The following SLC35F1 variants were observed in gnomAD, a reference collection of about 807,000 sequenced individuals.
The protein encoded by SLC35F1 is chromosome 6 open reading frame 169.
SLC35F1 carries 14 observed loss-of-function variants against 48.7 expected under a neutral mutation model. That is an observed-to-expected ratio of 0.29 (90% confidence interval 0.19 to 0.45). SLC35F1 has a LOEUF of 0.45. Ranked by LOEUF, SLC35F1 falls within the 20% of genes least tolerant of loss-of-function variation. The pLI, the probability that SLC35F1 is intolerant of heterozygous loss-of-function variation, is 1.00. For missense variants in SLC35F1, 404 were observed against 500.0 expected, an observed-to-expected ratio of 0.81 and a Z score of 1.83; for synonymous variants, 190 against 202.2, an observed-to-expected ratio of 0.94 and a Z score of 0.51.
At chr6:117,964,702 G>A (rs1327595718) in intron 1 of SLC35F1, among the ~76,000 whole-genome samples, 1 of 152,170 alleles carries the variant, frequency 6.6e-6, no homozygotes, top group African/African-American at 2.4e-5. Context: ...TTTAGGCTCT[G>A]GCTTGATCAG....
chr6:118,263,120 A>C (rs1775732836), intron 3 of SLC35F1, among the ~76,000 whole-genome samples: 1 of 152,146 alleles, frequency 6.6e-6, no homozygotes. Flanking sequence ...GCAGTGGTAC[A>C]ATCTCAGCTT....
At chr6:117,920,351 G>A (rs1159031920) in intron 1 of SLC35F1, among the ~76,000 whole-genome samples, 1 of 152,218 alleles carries the variant, frequency 6.6e-6, no homozygotes, top group Non-Finnish European at 1.5e-5. Context: ...AGCTGGGACG[G>A]ACCTTTGTAG....
intron 1 of SLC35F1, among the ~76,000 whole-genome samples, chr6:117,926,243 G>C (rs1262384285): frequency 3.9e-5 from 6 of 152,108 alleles, no homozygotes; most frequent in Non-Finnish European, 7.4e-5. Context: ...AGATATGATG[G>C]TTTTATAAGC....
chr6:118,236,307 A>ATG (rs1445411845), intron 3 of SLC35F1, among the ~76,000 whole-genome samples: 1 of 152,158 alleles, frequency 6.6e-6, no homozygotes, highest in Non-Finnish European at 1.5e-5. Context: ...AGACATATAT[A>ATG]TTCCTCATTA....
intron 2 of SLC35F1, among the ~76,000 whole-genome samples, chr6:118,232,440 C>T (rs771961290): frequency 1.2e-4 from 18 of 149,776 alleles, no homozygotes; most frequent in East Asian, 4.0e-4. Flanking sequence ...CCCAGCTACA[C>T]GGGAGGCTGA....
At chr6:118,011,110 C>G (rs1224524376) in intron 1 of SLC35F1, among the ~76,000 whole-genome samples, 1 of 152,126 alleles carries the variant, frequency 6.6e-6, no homozygotes, top group African/African-American at 2.4e-5. Flanking sequence ...TTGTGGTAGA[C>G]AGTTTTTCCA....
intron 1 of SLC35F1, among the ~76,000 whole-genome samples, chr6:118,109,291 C>T (rs947210629): frequency 2.0e-5 from 3 of 152,228 alleles, no homozygotes; most frequent in African/African-American, 2.4e-5. Flanking sequence ...TTATGCCAGC[C>T]CATTGGCCAC....
At position 117,923,660 on chromosome 6, in the gene SLC35F1, T is replaced by TAC. The variant is rs1562238667; in HGVS notation, c.173+15762_173+15763insCA. 4.3e-3 allele frequency among the ~76,000 whole-genome samples: 147 copies of TAC among 33,878 alleles called. 19 individuals are homozygous for TAC. Among genetic ancestry groups the TAC allele is most frequent in the African/African-American group, 5.4e-3 (53 of 9,750 alleles). The allele number at this position is 33,878 out of a possible 152,430, so 22.2% of individuals were successfully genotyped here. A position where few individuals can be genotyped will look rare whatever the true frequency, so the allele number is the denominator to read the frequency against. On this transcript the variant is annotated intron_variant, in intron 1 of 7. Transcript: ENST00000360388. ...GTACATATGTACATATGTACATATG[T>TAC]ATATATACATATATGTACATATATA...
At chr6:118,214,810 C>G (rs1414863149) in intron 2 of SLC35F1, among the ~76,000 whole-genome samples, 1 of 152,156 alleles carries the variant, frequency 6.6e-6, no homozygotes, top group Non-Finnish European at 1.5e-5. Flanking sequence ...AAGCCGAACA[C>G]TGTCTCTCAA....
At chr6:118,214,663 G>T (rs79705315) in intron 2 of SLC35F1, among the ~76,000 whole-genome samples, 5,319 of 152,242 alleles carry the variant, frequency 0.035, 103 homozygotes, top group Middle Eastern at 0.054. Context: ...GACCTTCATT[G>T]TAGCTCCATT....
At chr6:118,146,264 A>G (rs1237751700) in intron 1 of SLC35F1, among the ~76,000 whole-genome samples, 12 of 152,230 alleles carry the variant, frequency 7.9e-5, no homozygotes, top group Admixed American at 7.2e-4. Flanking sequence ...ATATGAGGAC[A>G]TTATGGCTGG....
chr6:118,245,728 G>A (rs2114596880), intron 3 of SLC35F1, among the ~76,000 whole-genome samples: 1 of 152,312 alleles, frequency 6.6e-6, no homozygotes, highest in Non-Finnish European at 1.5e-5. Flanking sequence ...CAACACAGGA[G>A]CTGAGGATAA....
chr6:118,209,336 T>C (rs764413733), intron 2 of SLC35F1, among the ~76,000 whole-genome samples: 2 of 152,208 alleles, frequency 1.3e-5, no homozygotes, highest in Non-Finnish European at 2.9e-5. Flanking sequence ...GTGACCCTTT[T>C]GATGGGTGTG....
intron 1 of SLC35F1, among the ~76,000 whole-genome samples, chr6:117,917,755 G>A (rs6935834): frequency 0.58 from 88,318 of 151,496 alleles, 26,448 homozygotes; most frequent in South Asian, 0.84. Flanking sequence ...GGGAGAAGTC[G>A]GAGTGTGGAA....
intron 1 of SLC35F1, among the ~76,000 whole-genome samples, chr6:118,119,147 A>T (rs961630374): frequency 6.6e-6 from 1 of 152,124 alleles, no homozygotes; most frequent in Non-Finnish European, 1.5e-5. Context: ...ATTCCTTCAT[A>T]TGTCTGAGGG....
intron 6 of SLC35F1, among the ~76,000 whole-genome samples, chr6:118,281,789 A>G (rs146139606): frequency 2.3e-4 from 35 of 152,312 alleles, no homozygotes; most frequent in African/African-American, 6.5e-4. Context: ...TGTACTCCAT[A>G]TAACATATCC....
At chr6:118,066,437 AC>A (rs1463222047) in intron 1 of SLC35F1, among the ~76,000 whole-genome samples, 22 of 152,186 alleles carry the variant, frequency 1.4e-4, no homozygotes, top group Admixed American at 1.4e-3. Flanking sequence ...TCAGTTGTAC[AC>A]CACAAGAAAT....
chr6:118,068,422 G>A (rs1407583273), intron 1 of SLC35F1, among the ~76,000 whole-genome samples: 3 of 152,122 alleles, frequency 2.0e-5, no homozygotes, highest in African/African-American at 4.8e-5. Context: ...GAAAGTAGAG[G>A]AGAATCAGAT....
At chr6:118,290,565 A>C (rs967051256) in intron 7 of SLC35F1, among the ~76,000 whole-genome samples, 1 of 152,186 alleles carries the variant, frequency 6.6e-6, no homozygotes, top group African/African-American at 2.4e-5. Context: ...AATTAAAAAA[A>C]AAATTTATTT....
Sources: gnomAD v4.1 joint callset for allele counts (sites outside exome capture counted in the v4.1 genomes callset) on GRCh38, gnomAD v4.1.1 for gene constraint, MANE v1.5 for transcripts, NCBI Gene and HGNC (gene_info 2026-07-23, HGNC 2026-07-21) for gene names.